The following MTRF1 variants were observed in gnomAD, a reference collection of about 807,000 sequenced individuals.
MTRF1 encodes peptide chain release factor 1, mitochondrial.
Under a neutral mutation model 62.9 loss-of-function variants are expected in MTRF1, and 51 were observed. That is an observed-to-expected ratio of 0.81 (90% CI 0.65 to 1.02). The LOEUF is 1.02. Ranked by LOEUF, MTRF1 falls within the 50% of genes least tolerant of loss-of-function variation. The pLI, the probability that MTRF1 is intolerant of heterozygous loss-of-function variation, is 0.00. For synonymous variants in MTRF1, 158 were observed against 181.9 expected (o/e 0.87, Z 1.06); for missense variants, 446 against 530.0 (o/e 0.84, Z 1.56).
chr13:41,220,830 G>A (rs2138656486), intron 9 of MTRF1, among the ~76,000 whole-genome samples: 1 of 152,260 alleles, frequency 6.6e-6, no homozygotes, highest in East Asian at 1.9e-4. Context: ...CCAAGAGAGA[G>A]AATAATCCTC....
At chr13:41,258,885 C>T (rs570168340) in intron 2 of MTRF1, among the ~76,000 whole-genome samples, 1 of 152,212 alleles carries the variant, frequency 6.6e-6, no homozygotes, top group South Asian at 2.1e-4. Context: ...TGATCATGGA[C>T]TTTTACCTAG....
At chr13:41,239,730 C>CT (rs1163356379) in intron 6 of MTRF1, among the ~76,000 whole-genome samples, 2 of 152,070 alleles carry the variant, frequency 1.3e-5, no homozygotes, top group East Asian at 1.9e-4. Context: ...ATTAAATGAA[C>CT]TTTTTTTTGA....
chr13:41,247,691 T>C (rs1390614374), intron 5 of MTRF1, among the ~76,000 whole-genome samples: 2 of 152,328 alleles, frequency 1.3e-5, no homozygotes, highest in East Asian at 1.9e-4. Context: ...GAGGCAGTTC[T>C]GGTGGCTTCC....
At chr13:41,265,670 CCAAA>C (rs1178450745), upstream of MTRF1, among the ~76,000 whole-genome samples, 7 of 104,928 alleles carry the variant, frequency 6.7e-5, no homozygotes, top group East Asian at 1.1e-3. Context: ...CTGTCCCTGC[CCAAA>C]CAAAGAAGAG....
intron 5 of MTRF1, among the ~76,000 whole-genome samples, chr13:41,247,591 C>T (rs1018264316): frequency 1.3e-5 from 2 of 152,308 alleles, no homozygotes; most frequent in Middle Eastern, 6.8e-3. Flanking sequence ...GGAATCACCA[C>T]TCCTGCATTT....
chr13:41,290,796 A>G, the MTRF1 span, among the ~76,000 whole-genome samples: 2 of 151,600 alleles, frequency 1.3e-5, no homozygotes, highest in Non-Finnish European at 2.9e-5. Flanking sequence ...CAACCTATAA[A>G]AGAAATTTTG....
At chr13:41,224,141 T>C (rs1199624212) in intron 8 of MTRF1, among the ~76,000 whole-genome samples, 1 of 152,218 alleles carries the variant, frequency 6.6e-6, no homozygotes, top group African/African-American at 2.4e-5. Context: ...GTGTCGGTTA[T>C]CTCTGCTATA....
chr13:41,228,929 TG>T (rs1335435136), intron 7 of MTRF1, among the ~76,000 whole-genome samples: 1 of 152,186 alleles, frequency 6.6e-6, no homozygotes, highest in Admixed American at 6.5e-5. Context: ...ATGGGAGAAA[TG>T]GAAGAAAGGC....
chr13:41,233,912 G>A lies in MTRF1; in HGVS notation c.966C>T (p.Val322=). 6.2e-7 allele frequency: 1 copy of A among 1,613,930 alleles called. No homozygotes were observed. The highest frequency in any genetic ancestry group is 8.5e-7 in the Non-Finnish European group (1 of 1,179,800). Reference sequence around the variant, plus strand: ...TACCTGTGGGGATGTGGACAAGTCTGACGGCACTATCAGTTTTATTAACAT... The same window carrying A: ...TACCTGTGGGGATGTGGACAAGTCTAACGGCACTATCAGTTTTATTAACAT... ...GQHVNKTDSA[V]RLVHIPTGLV... The change falls in exon 7 of 10, where the codon GTC becomes GTT. Residue 322 remains valine (V), a synonymous_variant. Coordinates refer to ENST00000379480, the MANE Select transcript of MTRF1 (RefSeq NM_004294.4).
the MTRF1 span, among the ~76,000 whole-genome samples, chr13:41,308,546 G>A: frequency 1.3e-5 from 2 of 152,180 alleles, no homozygotes; most frequent in Non-Finnish European, 2.9e-5. Context: ...AGGGTGCTGA[G>A]AGGAGGCACT....
At chr13:41,258,161 G>A (rs779136211) in intron 2 of MTRF1, among the ~76,000 whole-genome samples, 8 of 152,116 alleles carry the variant, frequency 5.3e-5, no homozygotes, top group South Asian at 4.1e-4. Flanking sequence ...TCCATTAAAC[G>A]TACGTAAGAG....
chr13:41,243,559 C>G (rs550486284), intron 5 of MTRF1, among the ~76,000 whole-genome samples: 1 of 152,296 alleles, frequency 6.6e-6, no homozygotes, highest in East Asian at 1.9e-4. Context: ...TGCTAATACT[C>G]TGGCTACTGC....
chr13:41,288,115 G>A, the MTRF1 span: 1 of 498,146 alleles, frequency 2.0e-6, no homozygotes. Context: ...TAGAATGGGG[G>A]CATAATCTGT....
chr13:41,308,498 C>T, the MTRF1 span, among the ~76,000 whole-genome samples: 1 of 152,078 alleles, frequency 6.6e-6, no homozygotes, highest in African/African-American at 2.4e-5. Context: ...CCGTGGTAAG[C>T]AAACTGTGGC....
chr13:41,266,338 G>A (rs558901918), upstream of MTRF1, among the ~76,000 whole-genome samples: 71 of 152,326 alleles, frequency 4.7e-4, 1 homozygote, highest in South Asian at 4.1e-3. Context: ...CGGGCTGGGC[G>A]TGGTGGCTCA....
chr13:41,271,054 T>C, the MTRF1 span, among the ~76,000 whole-genome samples: 1 of 143,292 alleles, frequency 7.0e-6, no homozygotes, highest in Non-Finnish European at 1.5e-5. Flanking sequence ...GCCTTTTAAA[T>C]ACACACACAC....
the MTRF1 span, among the ~76,000 whole-genome samples, chr13:41,292,580 CAAAAAAA>C: frequency 8.2e-5 from 5 of 61,246 alleles, no homozygotes; most frequent in Admixed American, 6.1e-4. Context: ...GATTCTGTCT[CAAAAAAA>C]AAAAAAAAAA....
At chr13:41,291,690 G>A in the MTRF1 span, among the ~76,000 whole-genome samples, 1 of 152,004 alleles carries the variant, frequency 6.6e-6, no homozygotes, top group Admixed American at 6.6e-5. Flanking sequence ...AGAGGGAAAG[G>A]TATTTAAATG....
At chr13:41,273,600 G>A in the MTRF1 span, among the ~76,000 whole-genome samples, 1 of 152,106 alleles carries the variant, frequency 6.6e-6, no homozygotes, top group Non-Finnish European at 1.5e-5. Flanking sequence ...CACTTTGGGA[G>A]GCTGAGGCAG....
Sources: allele counts gnomAD v4.1 joint callset (sites outside exome capture counted in the v4.1 genomes callset), GRCh38; gene constraint gnomAD v4.1.1; transcripts MANE v1.5; gene names NCBI Gene and HGNC (gene_info 2026-07-23, HGNC 2026-07-21).